Variants in SPATA31E1 observed in about 807,000 individuals in gnomAD.
SPATA31E1 encodes the protein SPATA31 subfamily E member 1, also known as spermatogenesis-associated protein 31E1.
SPATA31E1 carries 7 observed loss-of-function variants against 12.9 expected under a neutral mutation model. That is an observed-to-expected ratio of 0.54 (90% CI 0.31 to 1.02). SPATA31E1 has a LOEUF of 1.02. Among genes scored for constraint, SPATA31E1 ranks in the 50% least tolerant of loss-of-function variants. The probability of loss-of-function intolerance (pLI) is 0.05; values close to 1 mark genes in which losing one functional copy is unlikely to be tolerated. For missense variants in SPATA31E1, 1,961 were observed against 1,799.8 expected, an observed-to-expected ratio of 1.09 and a Z score of -1.62; for synonymous variants, 771 against 719.0, an observed-to-expected ratio of 1.07 and a Z score of -1.16.
Position 87,887,290 on chromosome 9 carries a change from A to C in SPATA31E1, c.2803A>C (p.Arg935=). 1 of 1,613,836 alleles carries C rather than the reference A, an allele frequency of 6.2e-7. No homozygotes were observed. Among genetic ancestry groups the C allele is most frequent in the Non-Finnish European group, 8.5e-7 (1 of 1,180,006 alleles). Residue 935 remains arginine, a synonymous_variant, in exon 4 of 4, where the codon AGA becomes CGA. Transcript: ENST00000325643. ...GCAGGAGGGAGTCCAGAGGCCCCCG[A>C]GAGGGTCCCAGTCAGCTGATACCCA... ...PEQEGVQRPP[R]GSQSADTHGR... is the part of the protein sequence containing the mutation.
At position 87,888,817 on chromosome 9, in the gene SPATA31E1, G is replaced by A. The variant is rs749554568; in HGVS notation, c.4330G>A (p.Ala1444Thr). Residue 1444 changes from alanine (A) to threonine (T), a missense_variant, in exon 4 of 4, where the codon GCC becomes ACC. Transcript: ENST00000325643. ...QELMSAQRCL[A>T]S is the part of the protein sequence containing the mutation. ...ACTGATGTCTGCACAGAGGTGTCTTGCCTCCTGAACTAGACCAGTCTTCTT... is the reference window on the plus strand; with the variant it reads ...ACTGATGTCTGCACAGAGGTGTCTTACCTCCTGAACTAGACCAGTCTTCTT... 2.4e-5 allele frequency: 39 copies of A among 1,602,260 alleles called. No individual in the cohort carries two copies. The South Asian group carries it at 4.1e-4, about 17-fold the overall frequency.
rs1459106742 is a variant in SPATA31E1 at position 87,885,942 on chromosome 9, G to A, written c.1455G>A (p.Glu485=). Residue 485 remains glutamate, a synonymous_variant, in exon 4 of 4, where the codon GAG becomes GAA. Coordinates refer to ENST00000325643, the MANE Select transcript of SPATA31E1 (RefSeq NM_178828.5). The part of the protein sequence containing the change: ...STSLPGEPEV[E]ASSQLSQAPP... ...CTCTTCCAGGTGAACCTGAGGTTGA[G>A]GCATCCTCACAGCTTTCCCAGGCAC... is the stretch of plus-strand genomic sequence containing the variant. The A allele has an allele frequency of 3.1e-6, 5 of 1,613,890 alleles. No homozygotes were observed. The highest frequency in any genetic ancestry group is 2.2e-5 in the East Asian group (1 of 44,852).
At position 87,888,823 on chromosome 9, in the gene SPATA31E1, T is replaced by G. The variant is rs1010495278; in HGVS notation, c.4336T>G (p.Ter1446GlyextTer19). 8.8e-6 allele frequency: 14 copies of G among 1,597,746 alleles called. No homozygotes were observed. Among genetic ancestry groups the G allele is most frequent in the Non-Finnish European group, 1.0e-5 (12 of 1,173,006 alleles). ...GTCTGCACAGAGGTGTCTTGCCTCC[T>G]GAACTAGACCAGTCTTCTTGCATGT... ...LMSAQRCLAS[*>G] Residue 1446 changes from the stop codon to glycine, a stop_lost, in exon 4 of 4, where the codon TGA (stop) becomes GGA (glycine). Transcript: ENST00000325643.
Position 87,886,748 on chromosome 9 carries a change from G to C in SPATA31E1, c.2261G>C (p.Arg754Thr). The C allele has an allele frequency of 6.2e-7, 1 of 1,614,008 alleles. No individual in the cohort carries two copies. The highest frequency in any genetic ancestry group is 8.5e-7 in the Non-Finnish European group (1 of 1,180,034). Residue 754 changes from arginine to threonine, a missense_variant, in exon 4 of 4, where the codon AGG becomes ACG. Coordinates refer to ENST00000325643, the MANE Select transcript of SPATA31E1 (RefSeq NM_178828.5). ...WKYQSVSSTP[R>T]DPDKEHLENK... ...TACCAATCAGTAAGTTCCACACCCA[G>C]GGACCCAGACAAGGAGCATCTGGAA...
rs1483899877 is a variant in SPATA31E1 at position 87,885,708 on chromosome 9, G to A, written c.1221G>A (p.Trp407Ter). Residue 407 changes from tryptophan to a stop codon, truncating the protein, a stop_gained, in exon 4 of 4, where the codon TGG becomes TGA. Coordinates refer to ENST00000325643, the MANE Select transcript of SPATA31E1 (RefSeq NM_178828.5). LOFTEE classifies it low-confidence loss of function (END_TRUNC). ...EWDITTLNPFWNVSTQPQQLP... is the reference protein window; with the variant it reads ...EWDITTLNPF ...ACATCACGACCCTAAATCCCTTCTG[G>A]AACGTGTCAACCCAGCCACAGCAGC... is the stretch of plus-strand genomic sequence containing the variant. The A allele has an allele frequency of 6.2e-7, 1 of 1,613,534 alleles. No individual in the cohort carries two copies. The highest frequency in any genetic ancestry group is 2.2e-5 in the East Asian group (1 of 44,858).
Position 87,887,677 on chromosome 9 carries a change from C to A in SPATA31E1, c.3190C>A (p.Leu1064Met). Residue 1064 changes from leucine (L) to methionine (M), a missense_variant, in exon 4 of 4, where the codon CTG becomes ATG. By Grantham distance (15) the Leu-to-Met change is conservative. Coordinates refer to ENST00000325643, the MANE Select transcript of SPATA31E1 (RefSeq NM_178828.5). ...AAGTTCGGGAAGTGTTCAGGAGGATCTGAGGAGCACAGGGGCTCTGGGGAC... is the reference window on the plus strand; with the variant it reads ...AAGTTCGGGAAGTGTTCAGGAGGATATGAGGAGCACAGGGGCTCTGGGGAC... The part of the protein sequence containing the change: ...RASSGSVQED[L>M]RSTGALGTTG... 6.2e-7 allele frequency: 1 copy of A among 1,614,170 alleles called. No homozygotes were observed. The highest frequency in any genetic ancestry group is 8.5e-7 in the Non-Finnish European group (1 of 1,180,008).
intron 1 of SPATA31E1, among the ~76,000 whole-genome samples, chr9:87,883,421 A>G (rs1828204956): frequency 6.6e-6 from 1 of 152,066 alleles, no homozygotes; most frequent in African/African-American, 2.4e-5. Flanking sequence ...CCAACACTGG[A>G]CTCAGTGGCA....
chr9:87,885,604 G>A lies in SPATA31E1; in HGVS notation c.1117G>A (p.Ala373Thr), dbSNP rs1181467223. The change falls in exon 4 of 4, where the codon GCA becomes ACA. Residue 373 changes from alanine to threonine, a missense_variant. By Grantham distance (58) the Ala-to-Thr change is moderately conservative. Transcript: ENST00000325643. ...GCTGGAGACCCTCATCGCCAAGAGA[G>A]CACTGATGAAGATGTGGCAGGAGAA... is the stretch of plus-strand genomic sequence containing the variant. ...KLLETLIAKRALMKMWQEKER... is the reference protein window; with the variant it reads ...KLLETLIAKRTLMKMWQEKER... The A allele has an allele frequency of 6.2e-7, 1 of 1,614,138 alleles. No homozygotes were observed. The highest frequency in any genetic ancestry group is 1.3e-5 in the African/African-American group (1 of 75,060).
intron 1 of SPATA31E1, among the ~76,000 whole-genome samples, chr9:87,883,616 C>T (rs1236413470): frequency 1.2e-4 from 19 of 152,074 alleles, no homozygotes; most frequent in Admixed American, 1.2e-3. Context: ...TGTGGCTGCA[C>T]CCCGGCCACA....
In SPATA31E1 at chr9:87,886,030, C is replaced by T; in HGVS notation, c.1543C>T (p.Pro515Ser). The T allele has an allele frequency of 6.2e-7, 1 of 1,612,696 alleles. No individual in the cohort carries two copies. The highest frequency in any genetic ancestry group is 8.5e-7 in the Non-Finnish European group (1 of 1,179,214). ...HFTPAWPQSQ[P>S]PPLAEIQTQA... is the part of the protein sequence containing the mutation. ...CACTCCAGCCTGGCCCCAGTCCCAG[C>T]CCCCACCTTTGGCTGAGATCCAGAC... The change falls in exon 4 of 4, where the codon CCC becomes TCC. Residue 515 changes from proline to serine, a missense_variant. By Grantham distance (74) the Pro-to-Ser change is moderately conservative. Coordinates refer to ENST00000325643, the MANE Select transcript of SPATA31E1 (RefSeq NM_178828.5).
Position 87,887,349 on chromosome 9 carries a change from G to A in SPATA31E1, c.2862G>A (p.Lys954=). ...GRSEAFPTGH[K]GRGCSQPPTC... ...CAGAGGCCTTTCCGACTGGACACAA[G>A]GGCAGGGGGTGTTCTCAGCCCCCAA... Residue 954 remains lysine, a synonymous_variant, in exon 4 of 4, where the codon AAG becomes AAA. Coordinates refer to ENST00000325643, the MANE Select transcript of SPATA31E1 (RefSeq NM_178828.5). The A allele has an allele frequency of 1.9e-6, 3 of 1,613,844 alleles. No individual in the cohort carries two copies. Among genetic ancestry groups the A allele is most frequent in the Non-Finnish European group, 2.5e-6 (3 of 1,180,038 alleles).
In SPATA31E1 at chr9:87,887,379, CA is replaced by C. The variant is rs749618646; in HGVS notation, c.2893del (p.Ser965AlafsTer22). On this transcript the variant is annotated frameshift_variant, in exon 4 of 4. Transcript: ENST00000325643. LOFTEE classifies it low-confidence loss of function (END_TRUNC). ...GRGCSQPPTC[S>X]LVGRTWQSRT... ...GGGGGTGTTCTCAGCCCCCAACATG[CA>C]GCCTTGTGGGCAGAACCTGGCAGAG... 15 of 1,613,690 alleles carry C rather than the reference CA, an allele frequency of 9.3e-6. No individual in the cohort carries two copies. Among genetic ancestry groups the C allele is most frequent in the Non-Finnish European group, 2.5e-6 (3 of 1,180,042 alleles).
Position 87,885,727 on chromosome 9 carries a change from C to T in SPATA31E1, c.1240C>T (p.Gln414Ter). ...NPFWNVSTQP[Q>*]QLPRPQQVSD... ...CTTCTGGAACGTGTCAACCCAGCCACAGCAGCTGCCCCGTCCTCAGCAAGT... is the reference window on the plus strand; with the variant it reads ...CTTCTGGAACGTGTCAACCCAGCCATAGCAGCTGCCCCGTCCTCAGCAAGT... Residue 414 changes from glutamine to a stop codon, truncating the protein, a stop_gained, in exon 4 of 4, where the codon CAG (glutamine) becomes TAG (stop). Coordinates refer to ENST00000325643, the MANE Select transcript of SPATA31E1 (RefSeq NM_178828.5). LOFTEE classifies it low-confidence loss of function (END_TRUNC). The T allele has an allele frequency of 1.2e-6, 2 of 1,613,940 alleles. No homozygotes were observed. Among genetic ancestry groups the T allele is most frequent in the Non-Finnish European group, 1.7e-6 (2 of 1,180,038 alleles).
In SPATA31E1 at chr9:87,888,282, A is replaced by G; in HGVS notation, c.3795A>G (p.Arg1265=). ...CACCACCAGAAAGCCACTTCCAGAG[A>G]AAGATCAGTCACCATCCACAGGGTC... is the stretch of plus-strand genomic sequence containing the variant. ...GQTPPESHFQ[R]KISHHPQGLH... The change falls in exon 4 of 4, where the codon AGA becomes AGG. Residue 1265 remains arginine (R), a synonymous_variant. Coordinates refer to ENST00000325643, the MANE Select transcript of SPATA31E1 (RefSeq NM_178828.5). 2 of 1,614,142 alleles carry G rather than the reference A, an allele frequency of 1.2e-6. No homozygotes were observed. Among genetic ancestry groups the G allele is most frequent in the Non-Finnish European group, 1.7e-6 (2 of 1,180,030 alleles).
Position 87,885,936 on chromosome 9 carries a change from G to A in SPATA31E1, c.1449G>A (p.Glu483=). 2 of 1,613,914 alleles carry A rather than the reference G, an allele frequency of 1.2e-6. No individual in the cohort carries two copies. The highest frequency in any genetic ancestry group is 1.7e-6 in the Non-Finnish European group (2 of 1,180,034). Residue 483 remains glutamate (E), a synonymous_variant, in exon 4 of 4, where the codon GAG becomes GAA. Coordinates refer to ENST00000325643, the MANE Select transcript of SPATA31E1 (RefSeq NM_178828.5). ...CCACTTCTCTTCCAGGTGAACCTGA[G>A]GTTGAGGCATCCTCACAGCTTTCCC... The part of the protein sequence containing the change: ...KASTSLPGEP[E]VEASSQLSQA...
In SPATA31E1 at chr9:87,887,018, T is replaced by C. The variant is rs750479065; in HGVS notation, c.2531T>C (p.Val844Ala). 3.7e-6 allele frequency: 6 copies of C among 1,613,980 alleles called. No homozygotes were observed. In the East Asian group the frequency reaches 1.3e-4, roughly 36 times the overall value. ...ILEVHLVRFCVRHSWGTDLQS... is the reference protein window; with the variant it reads ...ILEVHLVRFCARHSWGTDLQS... ...GAAGTACATCTTGTAAGGTTCTGTGTGAGGCACAGCTGGGGTACAGACCTC... is the reference window on the plus strand; with the variant it reads ...GAAGTACATCTTGTAAGGTTCTGTGCGAGGCACAGCTGGGGTACAGACCTC... The change falls in exon 4 of 4, where the codon GTG becomes GCG. Residue 844 changes from valine (V) to alanine (A), a missense_variant. By Grantham distance (64) the Val-to-Ala change is moderately conservative (BLOSUM62 0). Transcript: ENST00000325643.
rs1233581885 is a variant in SPATA31E1, at chr9:87,887,826, A to G, written c.3339A>G (p.Pro1113=). Residue 1113 remains proline, a synonymous_variant, in exon 4 of 4, where the codon CCA becomes CCG. Transcript: ENST00000325643. ...AGGTGGACTCAGAGGAGCAGCTGCC[A>G]GGCCGTGCCCCGGGCATCCTCCTCC... ...IVQVDSEEQL[P]GRAPGILLQD... 1 of 1,613,778 alleles carries G rather than the reference A, an allele frequency of 6.2e-7. No individual in the cohort carries two copies. The highest frequency in any genetic ancestry group is 1.3e-5 in the African/African-American group (1 of 74,950).
Position 87,885,021 on chromosome 9 carries a change from G to A in SPATA31E1, c.534G>A (p.Gly178=). ...CTGCTAAGGCCCACCAGCCGCATGG[G>A]AAATGCATGCAAGATCCGTCTCCTG... The part of the protein sequence containing the change: ...PVPAKAHQPH[G]KCMQDPSPAS... Residue 178 remains glycine (G), a synonymous_variant, in exon 4 of 4, where the codon GGG becomes GGA. Coordinates refer to ENST00000325643, the MANE Select transcript of SPATA31E1 (RefSeq NM_178828.5). 1.2e-6 allele frequency: 2 copies of A among 1,614,068 alleles called. No individual in the cohort carries two copies. The highest frequency in any genetic ancestry group is 1.7e-6 in the Non-Finnish European group (2 of 1,180,006).
In SPATA31E1 at chr9:87,883,262, TCCA is replaced by T; in HGVS notation, c.309+64_309+66del. 2.0e-6 allele frequency: 3 copies of T among 1,505,950 alleles called. No individual in the cohort carries two copies. The South Asian group carries it at 3.9e-5, about 20-fold the overall frequency. The allele number at this position is 1,505,950 out of a possible 1,614,324, so 93.3% of individuals were successfully genotyped here. On this transcript the variant is annotated intron_variant, in intron 1 of 3. Coordinates refer to ENST00000325643, the MANE Select transcript of SPATA31E1 (RefSeq NM_178828.5). ...TCTCTCTTCTTTTCCTCCCCTCATT[TCCA>T]CTTTTCCTAAGCAATGTGAGACCCT...
Sources: gnomAD v4.1 joint callset for allele counts (sites outside exome capture counted in the v4.1 genomes callset) on GRCh38, gnomAD v4.1.1 for gene constraint, MANE v1.5 for transcripts, NCBI Gene and HGNC (gene_info 2026-07-23, HGNC 2026-07-21) for gene names.